Variants in RFX4 observed in about 807,000 individuals in gnomAD.
RFX4 encodes regulatory factor X4.
Under a neutral mutation model 95.0 loss-of-function variants are expected in RFX4, and 10 were observed. The ratio of observed to expected loss-of-function variants is 0.11; its 90% CI spans 0.06 to 0.18. The LOEUF (loss-of-function observed/expected upper bound fraction) is 0.18. RFX4 is among the 10% of genes least tolerant of loss of function. The probability of loss-of-function intolerance (pLI) is 1.00; values close to 1 mark genes in which losing one functional copy is unlikely to be tolerated. For missense variants in RFX4, 640 were observed against 922.0 expected (o/e 0.69, Z 3.96); for synonymous variants, 321 against 340.7 (o/e 0.94, Z 0.64).
At chr12:106,587,698 G>A (rs2039481008) in intron 1 of RFX4, among the ~76,000 whole-genome samples, 1 of 152,228 alleles carries the variant, frequency 6.6e-6, no homozygotes, top group Non-Finnish European at 1.5e-5. Flanking sequence ...GGAGCCACAG[G>A]CTCACCAACG....
chr12:106,747,020 G>C (rs2042908839), intron 15 of RFX4, among the ~76,000 whole-genome samples: 1 of 152,102 alleles, frequency 6.6e-6, no homozygotes. Context: ...CTAGTGAGGG[G>C]GCCATTAATC....
At chr12:106,677,382 G>T (rs574453300) in intron 4 of RFX4, among the ~76,000 whole-genome samples, 3 of 152,218 alleles carry the variant, frequency 2.0e-5, no homozygotes, top group East Asian at 3.9e-4. Flanking sequence ...TAAGCCTGGA[G>T]CTCTGGGGAG....
At chr12:106,584,975 G>C (rs2039432900) in intron 1 of RFX4, among the ~76,000 whole-genome samples, 1 of 152,218 alleles carries the variant, frequency 6.6e-6, no homozygotes, top group South Asian at 2.1e-4. Context: ...CTCTACTGGC[G>C]GTAAAGCGGG....
intron 4 of RFX4, among the ~76,000 whole-genome samples, chr12:106,673,992 A>G (rs2041342394): frequency 6.6e-6 from 1 of 152,118 alleles, no homozygotes; most frequent in Non-Finnish European, 1.5e-5. Context: ...TCCCCTCCTT[A>G]AAGCCCTCTG....
intron 1 of RFX4, 192 bp downstream of exon 1, chr12:106,583,555 TAA>T (rs2039405246): frequency 2.0e-6 from 1 of 494,696 alleles, no homozygotes; most frequent in African/African-American, 2.0e-5. Flanking sequence ...AGTATGTGTA[TAA>T]GCGTGTGATT....
chr12:106,677,418 G>A (rs2041414730), intron 4 of RFX4, among the ~76,000 whole-genome samples: 1 of 152,130 alleles, frequency 6.6e-6, no homozygotes, highest in African/African-American at 2.4e-5. Flanking sequence ...CTGGGCAGCT[G>A]GGTGGGAGTC....
chr12:106,623,016 T>A (rs894012756), intron 2 of RFX4, among the ~76,000 whole-genome samples: 9 of 151,308 alleles, frequency 5.9e-5, no homozygotes, highest in African/African-American at 2.2e-4. Context: ...CAGGTCTATA[T>A]GTCTGCCTTT....
intron 13 of RFX4, among the ~76,000 whole-genome samples, chr12:106,731,576 A>G (rs1411494623): frequency 6.6e-6 from 1 of 152,244 alleles, no homozygotes; most frequent in African/African-American, 2.4e-5. Flanking sequence ...GTGCTAAATG[A>G]GGTCTTGAAA....
chr12:106,726,161 T>C (rs1231222770), intron 13 of RFX4, among the ~76,000 whole-genome samples: 1 of 151,024 alleles, frequency 6.6e-6, no homozygotes, highest in East Asian at 1.9e-4. Flanking sequence ...GGCAGGAGAA[T>C]TGCTTGATCC....
intron 10 of RFX4, among the ~76,000 whole-genome samples, chr12:106,713,841 G>A (rs1462739281): frequency 6.6e-6 from 1 of 151,984 alleles, no homozygotes; most frequent in Non-Finnish European, 1.5e-5. Flanking sequence ...ACCTAGGTGG[G>A]CAGATCACTT....
intron 2 of RFX4, among the ~76,000 whole-genome samples, chr12:106,616,211 G>T (rs993629005): frequency 6.6e-6 from 1 of 152,096 alleles, no homozygotes; most frequent in Non-Finnish European, 1.5e-5. Flanking sequence ...CATTTGTTTT[G>T]ATGATCATAT....
rs534644389 is a variant in RFX4 at position 106,705,471 on chromosome 12, C to G, written c.834-3859C>G. 2.6e-5 allele frequency among the ~76,000 whole-genome samples: 4 copies of G among 152,088 alleles called. No individual in the cohort carries two copies. The East Asian group carries it at 7.8e-4, about 30-fold the overall frequency. ...GGGAAAGCGGAGGAAGGAGGTCGAG[C>G]TGCAGGTATACACCCACAGAGGACA... On this transcript the variant is annotated intron_variant, in intron 8 of 17. Transcript: ENST00000392842.
intron 1 of RFX4, among the ~76,000 whole-genome samples, chr12:106,595,356 C>G (rs2039604061): frequency 6.6e-6 from 1 of 152,170 alleles, no homozygotes; most frequent in Non-Finnish European, 1.5e-5. Context: ...TTCAGGAGGT[C>G]CAGTCATTCC....
At chr12:106,660,846 G>T (rs1347501779) in intron 4 of RFX4, among the ~76,000 whole-genome samples, 3 of 152,102 alleles carry the variant, frequency 2.0e-5, no homozygotes, top group Non-Finnish European at 2.9e-5. Context: ...GCTTGTGAGG[G>T]ATCTAGGTTG....
chr12:106,750,526 A>C, intron 16 of RFX4, 129 bp from the exon 17 acceptor site: 2 of 876,550 alleles, frequency 2.3e-6, no homozygotes, highest in Non-Finnish European at 3.2e-6. Context: ...ATTGGGGGTG[A>C]AGGGGGGAAG....
intron 8 of RFX4, among the ~76,000 whole-genome samples, chr12:106,707,978 C>CA (rs775765034): frequency 6.6e-6 from 1 of 152,066 alleles, no homozygotes; most frequent in Non-Finnish European, 1.5e-5. Flanking sequence ...ACTAAAAAGA[C>CA]AAAAAATTAG....
rs571127746 is a variant in RFX4 at position 106,736,806 on chromosome 12, G to T, written c.1633+3721G>T. Among the ~76,000 whole-genome samples the T allele has an allele frequency of 8.5e-5, 13 of 152,136 alleles. No homozygotes were observed. In the South Asian group the frequency reaches 2.7e-3, roughly 32 times the overall value. ...GTTCAGGCCACCCCCACCTCTCATG[G>T]ACATCCACAGTGACTCTCAAGCTGG... On this transcript the variant is annotated intron_variant, in intron 15 of 17. Transcript: ENST00000392842.
intron 8 of RFX4, among the ~76,000 whole-genome samples, chr12:106,701,053 G>A (rs2041981090): frequency 6.6e-6 from 1 of 152,114 alleles, no homozygotes; most frequent in Non-Finnish European, 1.5e-5. Context: ...TTTCTTTAAT[G>A]TTTCTCATAT....
chr12:106,583,559 CGT>C (rs1176949121), intron 1 of RFX4, 196 bp downstream of exon 1: 1 of 476,848 alleles, frequency 2.1e-6, no homozygotes, highest in Non-Finnish European at 3.6e-6. Flanking sequence ...TGTGTATAAG[CGT>C]GTGATTGTGT....
Sources: allele counts gnomAD v4.1 joint callset (sites outside exome capture counted in the v4.1 genomes callset), GRCh38; gene constraint gnomAD v4.1.1; transcripts MANE v1.5; gene names NCBI Gene and HGNC (gene_info 2026-07-23, HGNC 2026-07-21).